ELP6: variants seen among roughly 807,000 people sequenced by gnomAD.
ELP6 encodes the protein elongator complex protein 6.
In ELP6, 23 loss-of-function variants were observed where a neutral mutation model predicts 28.1. The observed-to-expected ratio is 0.82, with a 90% CI of 0.59 to 1.16. The LOEUF is 1.16. Ranked by LOEUF, ELP6 falls within the 50% of genes most tolerant of loss-of-function variation. The probability of loss-of-function intolerance (pLI) is 0.00; values close to 1 mark genes in which losing one functional copy is unlikely to be tolerated. For synonymous variants in ELP6, 132 were observed against 135.8 expected (o/e 0.97, Z 0.19); for missense variants, 313 against 334.6 (o/e 0.94, Z 0.50).
In ELP6 at chr3:47,495,919, T is replaced by C; in HGVS notation, c.*150A>G. 1 of 1,354,056 alleles carries C rather than the reference T, an allele frequency of 7.4e-7. No homozygotes were observed. The highest frequency in any genetic ancestry group is 1.0e-6 in the Non-Finnish European group (1 of 1,000,312). 83.9% of individuals were successfully genotyped at this position (1,354,056 alleles called of 1,614,324 possible). A position where few individuals can be genotyped will look rare whatever the true frequency, so the allele number is the denominator to read the frequency against. On this transcript the variant is annotated 3_prime_UTR_variant, in exon 7 of 7. Coordinates refer to ENST00000296149, the MANE Select transcript of ELP6 (RefSeq NM_001031703.3). ...GGCCCAGGGCAGCCAAGGCATGCCA[T>C]CACTGCAGCACTCAACCCTCTGGTC...
At chr3:47,498,724 A>G (rs1708552639) in intron 5 of ELP6, 2 of 985,244 alleles carry the variant, frequency 2.0e-6, no homozygotes, top group African/African-American at 1.7e-5. Context: ...AATGTTACTA[A>G]AAGTGTCACC....
intron 3 of ELP6, among the ~76,000 whole-genome samples, chr3:47,505,597 G>A (rs1708809314): frequency 6.6e-6 from 1 of 151,962 alleles, no homozygotes; most frequent in South Asian, 2.1e-4. Context: ...TAGAGATGGA[G>A]TTTCGCTCTT....
chr3:47,506,402 C>T (rs2108111969), intron 3 of ELP6, among the ~76,000 whole-genome samples: 1 of 152,230 alleles, frequency 6.6e-6, no homozygotes, highest in Non-Finnish European at 1.5e-5. Context: ...TCCTAATAAG[C>T]CTGGGAGCGC....
At chr3:47,504,500 G>A in intron 3 of ELP6, 52 bp from the exon 4 acceptor site, 3 of 1,520,976 alleles carry the variant, frequency 2.0e-6, no homozygotes, top group Non-Finnish European at 2.7e-6. Context: ...GAACCCATCA[G>A]ACTAGATGCC....
chr3:47,512,841 C>G (rs982746121), intron 1 of ELP6: 1 of 975,902 alleles, frequency 1.0e-6, no homozygotes, highest in Non-Finnish European at 1.2e-6. Context: ...ATGAAGACGG[C>G]GGCGAAACGA....
At chr3:47,511,442 G>A in intron 1 of ELP6, 1 of 1,361,708 alleles carries the variant, frequency 7.3e-7, no homozygotes, top group Non-Finnish European at 9.4e-7. Flanking sequence ...CTCATGATAG[G>A]CAAGCATATC....
chr3:47,511,705 C>G (rs1406706256), intron 1 of ELP6: 1 of 706,932 alleles, frequency 1.4e-6, no homozygotes, highest in Non-Finnish European at 1.8e-6. Flanking sequence ...GAAGCAGTTG[C>G]TGATACAGAT....
In ELP6 at chr3:47,510,268, C is replaced by T. The variant is rs772143463; in HGVS notation, c.134-14G>A. 1 of 1,609,162 alleles carries T rather than the reference C, an allele frequency of 6.2e-7. No individual in the cohort carries two copies. The highest frequency in any genetic ancestry group is 1.7e-5 in the Admixed American group (1 of 59,916). On this transcript the variant is annotated splice_polypyrimidine_tract_variant and intron_variant, in intron 2 of 6. Transcript: ENST00000296149. ...CTTTACAATTAGCTAGAAAACAAAA[C>T]AATTATTTTAAATAAATCCTCTGGT...
rs1208937924 is a variant in ELP6 at position 47,496,058 on chromosome 3, C to G, written c.*11G>C. 1.9e-6 allele frequency: 3 copies of G among 1,614,060 alleles called. No homozygotes were observed. The highest frequency in any genetic ancestry group is 1.7e-6 in the Non-Finnish European group (2 of 1,179,988). On this transcript the variant is annotated 3_prime_UTR_variant, in exon 7 of 7. Transcript: ENST00000296149. ...ACAGTCCTATGTAGCTTCAGCTGCT[C>G]CGAAATCAGGTCACAGAACAGCAGG...
At chr3:47,509,045 T>A (rs1431663170) in intron 3 of ELP6, among the ~76,000 whole-genome samples, 1 of 152,130 alleles carries the variant, frequency 6.6e-6, no homozygotes, top group East Asian at 1.9e-4. Context: ...ATTACAGGTG[T>A]GAGCCACCGT....
chr3:47,500,229 GA>G, intron 5 of ELP6: 1 of 1,078,614 alleles, frequency 9.3e-7, no homozygotes, highest in Non-Finnish European at 1.1e-6. Context: ...ATGAAAAAAA[GA>G]AGTAGCGAAC....
chr3:47,511,237 C>A lies in ELP6; in HGVS notation c.55-11G>T. Reference sequence around the variant, plus strand: ...TAGAGTCAGTTTCCCCTAAAAGTTACAAGGAACACAAAAAGGTTAGACTCC... The same window carrying A: ...TAGAGTCAGTTTCCCCTAAAAGTTAAAAGGAACACAAAAAGGTTAGACTCC... On this transcript the variant is annotated splice_polypyrimidine_tract_variant and intron_variant, in intron 1 of 6. Coordinates refer to ENST00000296149, the MANE Select transcript of ELP6 (RefSeq NM_001031703.3). 6.2e-7 allele frequency: 1 copy of A among 1,613,558 alleles called. No homozygotes were observed. The highest frequency in any genetic ancestry group is 8.5e-7 in the Non-Finnish European group (1 of 1,179,814).
intron 1 of ELP6, chr3:47,512,908 C>G (rs552750917): frequency 8.1e-6 from 8 of 985,582 alleles, no homozygotes; most frequent in Non-Finnish European, 9.6e-6. Flanking sequence ...TGGGACCCCC[C>G]ACCCCAGTGA....
intron 5 of ELP6, among the ~76,000 whole-genome samples, chr3:47,499,149 G>A (rs954715634): frequency 1.3e-5 from 2 of 152,200 alleles, no homozygotes; most frequent in South Asian, 2.1e-4. Context: ...AGGCCAAGGC[G>A]GGAGGATCAT....
At chr3:47,505,172 C>T (rs1002108923) in intron 3 of ELP6, among the ~76,000 whole-genome samples, 19 of 151,936 alleles carry the variant, frequency 1.3e-4, no homozygotes, top group African/African-American at 3.4e-4. Context: ...GAGACTGAGG[C>T]AGGAGAATTG....
At chr3:47,499,361 A>C (rs1417557814) in intron 5 of ELP6, among the ~76,000 whole-genome samples, 1 of 152,150 alleles carries the variant, frequency 6.6e-6, no homozygotes, top group Non-Finnish European at 1.5e-5. Context: ...TACTAAAAAA[A>C]CACAAAATTT....
intron 6 of ELP6, chr3:47,496,980 T>G (rs1402886473): frequency 2.0e-6 from 2 of 985,436 alleles, no homozygotes; most frequent in Non-Finnish European, 2.4e-6. Flanking sequence ...CAGCAGCACC[T>G]TCTCCTCAGG....
intron 6 of ELP6, chr3:47,496,592 TTC>T: frequency 1.4e-6 from 1 of 711,258 alleles, no homozygotes; most frequent in African/African-American, 1.9e-5. Flanking sequence ...GCCTCCTAGG[TTC>T]AGGCAATTCT....
chr3:47,501,840 G>T lies in ELP6; in HGVS notation c.335C>A (p.Ala112Asp). 1.9e-6 allele frequency: 3 copies of T among 1,613,568 alleles called. No individual in the cohort carries two copies. The highest frequency in any genetic ancestry group is 2.5e-6 in the Non-Finnish European group (3 of 1,179,786). Residue 112 changes from alanine to aspartate, a missense_variant, in exon 5 of 7, where the codon GCT (alanine) becomes GAT (aspartate). Ala to Asp is a moderately radical substitution (Grantham distance 126). Transcript: ENST00000296149. ...HPLQFLREAN[A>D]GNLKPLFEFV... ...CTCAAACAATGGTTTCAAGTTCCCA[G>T]CATTAGCCTCCCTGGAGAGACAGGA...
Sources: allele counts gnomAD v4.1 joint callset (sites outside exome capture counted in the v4.1 genomes callset), GRCh38; gene constraint gnomAD v4.1.1; transcripts MANE v1.5; gene names NCBI Gene and HGNC (gene_info 2026-07-23, HGNC 2026-07-21).